The following MFSD2A variants were observed in gnomAD, a reference collection of about 807,000 sequenced individuals.
MFSD2A encodes the protein sodium-dependent lysophosphatidylcholine symporter 1.
Under a neutral mutation model 64.7 loss-of-function variants are expected in MFSD2A, and 27 were observed. The observed-to-expected ratio is 0.42, with a 90% CI of 0.31 to 0.58. The LOEUF (loss-of-function observed/expected upper bound fraction) is 0.58, where lower values mean the gene tolerates loss of function less well. MFSD2A is among the 20% of genes least tolerant of loss of function. MFSD2A has a pLI of 0.18. For synonymous variants in MFSD2A, 258 were observed against 273.4 expected, an observed-to-expected ratio of 0.94 and a Z score of 0.55; for missense variants, 474 against 679.5, an observed-to-expected ratio of 0.70 and a Z score of 3.36.
rs1392132420 is a variant in MFSD2A, at chr1:39,967,166, C to G, written c.1008C>G (p.Ile336Met). 6.2e-7 allele frequency: 1 copy of G among 1,614,022 alleles called. No homozygotes were observed. The highest frequency in any genetic ancestry group is 8.5e-7 in the Non-Finnish European group (1 of 1,179,946). ...RNEFQNLLLA[I>M]MLSATLTIPI... is the part of the protein sequence containing the mutation. ...AATTCCAGAATCTACTCCTGGCCAT[C>G]ATGGTGAGTGGGACCTGAGCAGGGG... is the stretch of plus-strand genomic sequence containing the variant. The change falls in exon 9 of 14, where the codon ATC becomes ATG. Residue 336 changes from isoleucine to methionine, a missense_variant. Coordinates refer to ENST00000372811, the MANE Select transcript of MFSD2A (RefSeq NM_032793.5).
In MFSD2A at chr1:39,959,382, C is replaced by T. The variant is rs3103783; in HGVS notation, c.353+557C>T. The stretch of plus-strand genomic sequence containing the variant: ...CCCACCTCAGCCTCTCGAGTAGCTG[C>T]GACTACAGGCACGTGCCACCACACC... On this transcript the variant is annotated intron_variant, in intron 3 of 13. Coordinates refer to ENST00000372811, the MANE Select transcript of MFSD2A (RefSeq NM_032793.5). Among the ~76,000 whole-genome samples, 670 of 151,650 alleles carry T rather than the reference C, an allele frequency of 4.4e-3. 2 individuals are homozygous for T. Among genetic ancestry groups the T allele is most frequent in the African/African-American group, 0.015 (639 of 41,326 alleles).
intron 11 of MFSD2A, 47 bp downstream of exon 11, chr1:39,967,963 C>T (rs534185258): frequency 6.4e-6 from 8 of 1,253,388 alleles, no homozygotes; most frequent in Non-Finnish European, 7.9e-6. Context: ...AGCCCCTAGT[C>T]CCCAGTTTTG....
intron 3 of MFSD2A, among the ~76,000 whole-genome samples, chr1:39,961,326 G>GCCCCCCCCCC (rs555894215): frequency 1.7e-4 from 1 of 5,876 alleles, no homozygotes; most frequent in African/African-American, 4.0e-4. Context: ...TCCCGCCCCC[G>GCCCCCCCCCC]CCCCCCCCCC....
intron 1 of MFSD2A, 99 bp from the exon 2 acceptor site, chr1:39,956,988 T>G: frequency 7.3e-7 from 1 of 1,363,194 alleles, no homozygotes. Flanking sequence ...CAGAGTTGTT[T>G]GTTCTGGTAG....
Position 39,966,861 on chromosome 1 carries a change from C to T in MFSD2A, c.856C>T (p.Arg286Trp), listed in dbSNP as rs373419262. Residue 286 changes from arginine to tryptophan, a missense_variant, in exon 8 of 14, where the codon CGG becomes TGG. Physicochemically the swap from Arg to Trp is moderately radical, Grantham distance 101 (BLOSUM62 -3). Coordinates refer to ENST00000372811, the MANE Select transcript of MFSD2A (RefSeq NM_032793.5). ...SEPIAYFRGL[R>W]LVMSHGPYIK... ...GCCAATCGCCTACTTCCGGGGCCTACGGCTGGTCATGAGCCACGGCCCATA... is the reference window on the plus strand; with the variant it reads ...GCCAATCGCCTACTTCCGGGGCCTATGGCTGGTCATGAGCCACGGCCCATA... 1.0e-4 allele frequency: 165 copies of T among 1,613,864 alleles called. No homozygotes were observed. The highest frequency in any genetic ancestry group is 1.4e-4 in the Non-Finnish European group (162 of 1,180,036).
chr1:39,956,583 T>C (rs1484833968), intron 1 of MFSD2A, among the ~76,000 whole-genome samples: 1 of 152,168 alleles, frequency 6.6e-6, no homozygotes, highest in East Asian at 1.9e-4. Flanking sequence ...GGTGGGCTGA[T>C]AAGTTTCCTT....
In MFSD2A at chr1:39,957,132, C is replaced by G. The variant is rs1387649917; in HGVS notation, c.139C>G (p.Leu47Val). Residue 47 changes from leucine to valine, a missense_variant, in exon 2 of 14, where the codon CTT becomes GTT. Transcript: ENST00000372811. ...KKQQLSVCNKLCYALGGAPYQ... is the reference protein window; with the variant it reads ...KKQQLSVCNKVCYALGGAPYQ... ...ACAACAGTTGTCTGTTTGCAACAAG[C>G]TTTGCTATGCACTTGGGGGAGCCCC... 6.2e-7 allele frequency: 1 copy of G among 1,613,960 alleles called. No homozygotes were observed. The highest frequency in any genetic ancestry group is 1.7e-5 in the Admixed American group (1 of 59,978).
In MFSD2A at chr1:39,968,806, T is replaced by C; in HGVS notation, c.1529+61T>C. ...ACGTCACTGTGTCTAAACCCTCAATTTGTGTCTCCTGTGGCCAAGTCCAGA... is the reference window on the plus strand; with the variant it reads ...ACGTCACTGTGTCTAAACCCTCAATCTGTGTCTCCTGTGGCCAAGTCCAGA... On this transcript the variant is annotated intron_variant, in intron 13 of 13. Transcript: ENST00000372811. The surrounding 1 kb of genome is among the most constrained non-coding windows in gnomAD (Gnocchi z 4.4). The C allele has an allele frequency of 1.3e-6, 2 of 1,584,528 alleles. No homozygotes were observed. Among genetic ancestry groups the C allele is most frequent in the Non-Finnish European group, 1.7e-6 (2 of 1,163,332 alleles).
intron 1 of MFSD2A, among the ~76,000 whole-genome samples, 156 bp from the exon 2 acceptor site, chr1:39,956,931 A>AG (rs1644942609): frequency 1.3e-5 from 2 of 150,508 alleles, no homozygotes; most frequent in Admixed American, 1.3e-4. Context: ...AAAAAAAAAA[A>AG]AAAAAAAAAA....
chr1:39,962,827 T>C (rs1200689621), intron 3 of MFSD2A: 4 of 1,425,600 alleles, frequency 2.8e-6, no homozygotes, highest in Non-Finnish European at 3.9e-6. Flanking sequence ...TCTGAGATCA[T>C]TGACTTTTTC....
rs947673137 is a variant in MFSD2A, at chr1:39,958,437, A to T, written c.229-264A>T. ...TGTGGATTCATTTGAATTGATGGGA[A>T]TGTTTTCAAGGGCAGTGGAGGGAAG... On this transcript the variant is annotated intron_variant, in intron 2 of 13. Transcript: ENST00000372811. The surrounding 1 kb of genome is among the most constrained non-coding windows in gnomAD (Gnocchi z 4.7). Among the ~76,000 whole-genome samples, 1 of 152,184 alleles carries T rather than the reference A, an allele frequency of 6.6e-6. No individual in the cohort carries two copies. Among genetic ancestry groups the T allele is most frequent in the Admixed American group, 6.5e-5 (1 of 15,280 alleles).
chr1:39,966,132 C>T (rs866337283), intron 6 of MFSD2A, 118 bp downstream of exon 6: 14 of 1,216,476 alleles, frequency 1.2e-5, no homozygotes, highest in Admixed American at 2.5e-5. Flanking sequence ...ATTTGATATA[C>T]ATAACAATTA....
chr1:39,966,869 C>G lies in MFSD2A; in HGVS notation c.864C>G (p.Val288=), dbSNP rs199804042. Residue 288 remains valine, a synonymous_variant, in exon 8 of 14, where the codon GTC becomes GTG. Coordinates refer to ENST00000372811, the MANE Select transcript of MFSD2A (RefSeq NM_032793.5). ...CCTACTTCCGGGGCCTACGGCTGGTCATGAGCCACGGCCCATACATCAAAC... is the reference window on the plus strand; with the variant it reads ...CCTACTTCCGGGGCCTACGGCTGGTGATGAGCCACGGCCCATACATCAAAC... ...PIAYFRGLRL[V]MSHGPYIKLI... 6.2e-7 allele frequency: 1 copy of G among 1,613,936 alleles called. No individual in the cohort carries two copies. Among genetic ancestry groups the G allele is most frequent in the East Asian group, 2.2e-5 (1 of 44,872 alleles).
At chr1:39,962,686 G>A in intron 3 of MFSD2A, 2 of 777,592 alleles carry the variant, frequency 2.6e-6, no homozygotes. Context: ...CCGGGCCGAA[G>A]CTGCGGAGCT....
rs560293410 is a variant in MFSD2A at position 39,960,235 on chromosome 1, G to C, written c.353+1410G>C. Reference sequence around the variant, plus strand: ...CAGGACATCCTGCTTCAGGGTGTGGGGGGGCATACCCCTTTCATCTCCAGC... The same window carrying C: ...CAGGACATCCTGCTTCAGGGTGTGGCGGGGCATACCCCTTTCATCTCCAGC... On this transcript the variant is annotated intron_variant, in intron 3 of 13. Transcript: ENST00000372811. The surrounding 1 kb of genome is among the most constrained non-coding windows in gnomAD (Gnocchi z 4.8). 3.0e-4 allele frequency among the ~76,000 whole-genome samples: 46 copies of C among 152,314 alleles called. No individual in the cohort carries two copies. The highest frequency in any genetic ancestry group is 4.9e-4 in the Non-Finnish European group (33 of 68,016).
At position 39,955,913 on chromosome 1, in the gene MFSD2A, C is replaced by G. The variant is rs1305155141; in HGVS notation, c.93+528C>G. 1 of 215,556 alleles carries G rather than the reference C, an allele frequency of 4.6e-6. No individual in the cohort carries two copies. Among genetic ancestry groups the G allele is most frequent in the Non-Finnish European group, 9.7e-6 (1 of 102,634 alleles). The allele number at this position is 215,556 out of a possible 1,614,324, so 13.4% of individuals were successfully genotyped here. A position where few individuals can be genotyped will look rare whatever the true frequency, so the allele number is the denominator to read the frequency against. ...ATGTTCGCGCGGGAACGGTGCTTTG[C>G]GCATCGAGACCATCGACCACATCCC... is the stretch of plus-strand genomic sequence containing the variant. On this transcript the variant is annotated intron_variant, in intron 1 of 13. Coordinates refer to ENST00000372811, the MANE Select transcript of MFSD2A (RefSeq NM_032793.5). The surrounding 1 kb of genome is among the most constrained non-coding windows in gnomAD (Gnocchi z 5.9).
rs1370917710 is a variant in MFSD2A, at chr1:39,963,929, T to G, written c.354-1282T>G. Among the ~76,000 whole-genome samples the G allele has an allele frequency of 6.6e-6, 1 of 152,026 alleles. No homozygotes were observed. The highest frequency in any genetic ancestry group is 1.5e-5 in the Non-Finnish European group (1 of 68,002). On this transcript the variant is annotated intron_variant, in intron 3 of 13. Transcript: ENST00000372811. This position sits in a 1 kb window ranked among gnomAD's most constrained non-coding sequence, Gnocchi z 4.2. ...TTTGTATTTTTAGTAGAGACGGAGGTTTCGCCATGTTGGGCAGGCTGGTCT... is the reference window on the plus strand; with the variant it reads ...TTTGTATTTTTAGTAGAGACGGAGGGTTCGCCATGTTGGGCAGGCTGGTCT...
chr1:39,955,524 T>C lies in MFSD2A; in HGVS notation c.93+139T>C. ...GGAAGCCTACGAGCCAGAGAGGACC[T>C]GGGGGTGCCCTGGGACAGGGGGTGA... On this transcript the variant is annotated intron_variant, in intron 1 of 13. Transcript: ENST00000372811. This position sits in a 1 kb window ranked among gnomAD's most constrained non-coding sequence, Gnocchi z 5.9. 1.1e-6 allele frequency: 1 copy of C among 949,758 alleles called. No individual in the cohort carries two copies. Among genetic ancestry groups the C allele is most frequent in the Non-Finnish European group, 1.6e-6 (1 of 613,410 alleles). 58.8% of individuals were successfully genotyped at this position (949,758 alleles called of 1,614,324 possible). A position where few individuals can be genotyped will look rare whatever the true frequency, so the allele number is the denominator to read the frequency against.
rs374874508 is a variant in MFSD2A at position 39,965,428 on chromosome 1, T to C, written c.478-43T>C. 2.7e-5 allele frequency: 43 copies of C among 1,613,378 alleles called. No individual in the cohort carries two copies. Among genetic ancestry groups the C allele is most frequent in the Non-Finnish European group, 3.6e-5 (43 of 1,179,572 alleles). On this transcript the variant is annotated intron_variant, in intron 4 of 13. Transcript: ENST00000372811. The surrounding 1 kb of genome is among the most constrained non-coding windows in gnomAD (Gnocchi z 5.5). ...GTTGGTACTGGAAGCTACATCAGTG[T>C]GTCCACCCGCCTGACCAGCCAATGA...
Sources: allele counts gnomAD v4.1 joint callset (sites outside exome capture counted in the v4.1 genomes callset), GRCh38; gene constraint gnomAD v4.1.1; non-coding constraint Gnocchi (gnomAD v3.1); transcripts MANE v1.5; gene names NCBI Gene and HGNC (gene_info 2026-07-23, HGNC 2026-07-21).